Variants in BBX observed in about 807,000 individuals in gnomAD.
BBX encodes BBX high mobility group box domain containing.
Under a neutral mutation model 100.2 loss-of-function variants are expected in BBX, and 30 were observed. The observed-to-expected ratio is 0.30, with a 90% CI of 0.22 to 0.41. The LOEUF is 0.41. BBX is among the 10% of genes least tolerant of loss of function. The pLI is 1.00. For synonymous variants in BBX, 376 were observed against 388.1 expected, an observed-to-expected ratio of 0.97 and a Z score of 0.37; for missense variants, 1,023 against 1,129.8, an observed-to-expected ratio of 0.91 and a Z score of 1.35.
At chr3:107,580,878 G>A (rs967121550) in intron 2 of BBX, among the ~76,000 whole-genome samples, 4 of 152,192 alleles carry the variant, frequency 2.6e-5, no homozygotes, top group Non-Finnish European at 5.9e-5. Context: ...TGATCCGCCC[G>A]CCTCGGCCTC....
chr3:107,724,319 A>G (rs1464439707), intron 5 of BBX, among the ~76,000 whole-genome samples: 1 of 152,128 alleles, frequency 6.6e-6, no homozygotes, highest in African/African-American at 2.4e-5. Flanking sequence ...CCTTTGTCAG[A>G]TGAGTAGATT....
At position 107,778,437 on chromosome 3, in the gene BBX, A is replaced by C. The variant is rs1179959292; in HGVS notation, c.2121A>C (p.Thr707=). The part of the protein sequence containing the change: ...FNSLPQYSPV[T]FDRKCVPVPR... ...GCCTCCCTCAATATAGTCCTGTTAC[A>C]TTTGACCGGAAATGTGTACCTGTCC... Residue 707 remains threonine (T), a synonymous_variant, in exon 13 of 18, where the codon ACA becomes ACC. Transcript: ENST00000325805. 2 of 1,613,342 alleles carry C rather than the reference A, an allele frequency of 1.2e-6. No homozygotes were observed. The highest frequency in any genetic ancestry group is 2.7e-5 in the African/African-American group (2 of 74,876).
At chr3:107,577,051 G>A (rs572794075) in intron 2 of BBX, among the ~76,000 whole-genome samples, 2 of 152,094 alleles carry the variant, frequency 1.3e-5, no homozygotes, top group East Asian at 3.9e-4. Flanking sequence ...AGTAGAGATG[G>A]GGTTTCACCG....
Position 107,778,469 on chromosome 3 carries a change from A to G in BBX, c.2153A>G (p.Lys718Arg). The G allele has an allele frequency of 6.2e-7, 1 of 1,613,462 alleles. No individual in the cohort carries two copies. The highest frequency in any genetic ancestry group is 1.1e-5 in the South Asian group (1 of 91,072). The stretch of plus-strand genomic sequence containing the variant: ...CGGAAATGTGTACCTGTCCCAAGAA[A>G]AAAGAAGAAGACTGGAAATGTGTCC... ...FDRKCVPVPR[K>R]KKKTGNVSSE... The change falls in exon 13 of 18, where the codon AAA becomes AGA. Residue 718 changes from lysine (K) to arginine (R), a missense_variant. By Grantham distance (26) the Lys-to-Arg change is conservative (BLOSUM62 2). This residue lies in a region of BBX where 215 missense variants were observed against 211.3 expected (regional missense o/e 1.02). Transcript: ENST00000325805.
rs960899992 is a variant in BBX at position 107,759,338 on chromosome 3, T to C, written c.906+3660T>C. Among the ~76,000 whole-genome samples, 9 of 152,354 alleles carry C rather than the reference T, an allele frequency of 5.9e-5. No homozygotes were observed. In the Middle Eastern group the frequency reaches 0.01, roughly 173 times the overall value. ...TGAGGTCAGGGAATTGGCAGAAATA[T>C]AATGCTTTATGTTTGGACCTCCATG... On this transcript the variant is annotated intron_variant, in intron 10 of 17. Coordinates refer to ENST00000325805, the MANE Select transcript of BBX (RefSeq NM_001142568.3).
intron 4 of BBX, among the ~76,000 whole-genome samples, chr3:107,713,245 C>T (rs767070484): frequency 3.3e-5 from 5 of 152,230 alleles, no homozygotes; most frequent in Non-Finnish European, 5.9e-5. Flanking sequence ...GTTCCCATTA[C>T]TGCTGCCTAG....
At position 107,772,881 on chromosome 3, in the gene BBX, A is replaced by G; in HGVS notation, c.1160A>G (p.Glu387Gly). The G allele has an allele frequency of 6.2e-7, 1 of 1,611,614 alleles. No individual in the cohort carries two copies. Among genetic ancestry groups the G allele is most frequent in the Admixed American group, 1.7e-5 (1 of 59,576 alleles). Residue 387 changes from glutamate to glycine, a missense_variant, in exon 11 of 18, where the codon GAA (glutamate) becomes GGA (glycine). By Grantham distance (98) the Glu-to-Gly change is moderately conservative. Transcript: ENST00000325805. ...QIDDIMAIKM[E>G]DPKEIRKEEL... The stretch of plus-strand genomic sequence containing the variant: ...GATGACATAATGGCTATAAAAATGG[A>G]AGATCCCAAAGAAATTAGAAAGGAA...
At chr3:107,672,618 C>G (rs1017473886) in intron 3 of BBX, among the ~76,000 whole-genome samples, 3 of 151,938 alleles carry the variant, frequency 2.0e-5, no homozygotes, top group Non-Finnish European at 4.4e-5. Flanking sequence ...GAGTATCAAA[C>G]TAGGGTATAT....
At chr3:107,552,339 T>C (rs1269296940) in intron 2 of BBX, among the ~76,000 whole-genome samples, 3 of 98,874 alleles carry the variant, frequency 3.0e-5, no homozygotes, top group East Asian at 6.1e-4. Context: ...GAAGAAACCC[T>C]GTTTCATTAA....
At chr3:107,686,166 G>A (rs569794921) in intron 3 of BBX, among the ~76,000 whole-genome samples, 7 of 152,198 alleles carry the variant, frequency 4.6e-5, no homozygotes, top group South Asian at 2.1e-4. Flanking sequence ...AGGAAAATAC[G>A]TAAATATGTG....
chr3:107,749,569 G>C (rs2064899402), intron 9 of BBX, among the ~76,000 whole-genome samples: 1 of 151,732 alleles, frequency 6.6e-6, no homozygotes, highest in Admixed American at 6.6e-5. Context: ...TACCAGTATG[G>C]AATATCTCAG....
intron 5 of BBX, among the ~76,000 whole-genome samples, chr3:107,720,334 A>G (rs1309231116): frequency 1.3e-5 from 2 of 152,000 alleles, no homozygotes; most frequent in Non-Finnish European, 2.9e-5. Flanking sequence ...ATAAAATGTC[A>G]TGAGTCTTAC....
In BBX at chr3:107,579,098, C is replaced by T. The variant is rs149193452; in HGVS notation, c.-84+52700C>T. Among the ~76,000 whole-genome samples, 86 of 152,222 alleles carry T rather than the reference C, an allele frequency of 5.6e-4. No individual in the cohort carries two copies. In the East Asian group the frequency reaches 0.013, roughly 23 times the overall value. On this transcript the variant is annotated intron_variant, in intron 2 of 17. Transcript: ENST00000325805. ...ACTCAGAAGAGATGCATGTCTCAAA[C>T]GCCTGCATTATTTTTTCTCACTTTC...
At chr3:107,712,955 G>T (rs1402205309) in intron 4 of BBX, among the ~76,000 whole-genome samples, 1 of 152,122 alleles carries the variant, frequency 6.6e-6, no homozygotes, top group Non-Finnish European at 1.5e-5. Flanking sequence ...TTTAGTCTTA[G>T]CACCTTCTGC....
At chr3:107,704,639 G>T (rs1019188668) in intron 3 of BBX, among the ~76,000 whole-genome samples, 1 of 152,174 alleles carries the variant, frequency 6.6e-6, no homozygotes, top group Non-Finnish European at 1.5e-5. Context: ...ACCCACTCTG[G>T]TGATGACTAA....
intron 3 of BBX, among the ~76,000 whole-genome samples, chr3:107,652,978 G>T (rs1042626810): frequency 2.6e-5 from 4 of 152,110 alleles, no homozygotes; most frequent in African/African-American, 9.7e-5. Flanking sequence ...TTTAGAAATA[G>T]CATCTGGTAC....
At chr3:107,717,686 G>A (rs570669922) in intron 5 of BBX, among the ~76,000 whole-genome samples, 1 of 152,230 alleles carries the variant, frequency 6.6e-6, no homozygotes, top group East Asian at 1.9e-4. Context: ...CAGAATGATA[G>A]CAGTTACTAA....
intron 4 of BBX, among the ~76,000 whole-genome samples, chr3:107,715,960 T>A (rs886588879): frequency 5.9e-5 from 9 of 152,222 alleles, no homozygotes; most frequent in African/African-American, 2.2e-4. Context: ...GTTTGAAGAT[T>A]TATTGTGTAG....
intron 3 of BBX, among the ~76,000 whole-genome samples, chr3:107,647,310 A>G (rs2057576082): frequency 1.3e-5 from 2 of 152,222 alleles, no homozygotes; most frequent in African/African-American, 2.4e-5. Flanking sequence ...ATATGAATAC[A>G]TATACAAAAA....
Sources: gnomAD v4.1 joint callset for allele counts (sites outside exome capture counted in the v4.1 genomes callset) on GRCh38, gnomAD v4.1.1 for gene constraint, gnomAD v4.1.1 regional missense constraint, MANE v1.5 for transcripts, NCBI Gene and HGNC (gene_info 2026-07-23, HGNC 2026-07-21) for gene names.